Variants in CADPS2 observed in about 807,000 individuals in gnomAD.
The protein encoded by CADPS2 is calcium-dependent secretion activator 2.
In CADPS2, 93 loss-of-function variants were observed where a neutral mutation model predicts 172.5. That is an observed-to-expected ratio of 0.54 (90% confidence interval 0.46 to 0.64). CADPS2 has a LOEUF of 0.64. Among genes scored for constraint, CADPS2 ranks in the 30% least tolerant of loss-of-function variants. The pLI is 0.00. For missense variants in CADPS2, 1,420 were observed against 1,565.9 expected (o/e 0.91, Z 1.57); for synonymous variants, 546 against 555.2 (o/e 0.98, Z 0.23).
chr7:122,682,611 A>C (rs1014792474), intron 2 of CADPS2, among the ~76,000 whole-genome samples: 3 of 152,248 alleles, frequency 2.0e-5, no homozygotes, highest in East Asian at 3.8e-4. Context: ...ATGTGTTCCC[A>C]TGCTGTCTTA....
intron 25 of CADPS2, among the ~76,000 whole-genome samples, chr7:122,375,178 A>G (rs1358163503): frequency 6.6e-6 from 1 of 152,048 alleles, no homozygotes; most frequent in Non-Finnish European, 1.5e-5. Context: ...CATTTTTTTT[A>G]AAGTAACAGA....
At chr7:122,661,333 A>G (rs557811822) in intron 3 of CADPS2, among the ~76,000 whole-genome samples, 31 of 152,158 alleles carry the variant, frequency 2.0e-4, no homozygotes, top group Non-Finnish European at 3.4e-4. Flanking sequence ...GTTTCAAATC[A>G]CAGAAGACTA....
chr7:122,400,803 G>T (rs898950328), intron 20 of CADPS2, among the ~76,000 whole-genome samples: 4 of 152,216 alleles, frequency 2.6e-5, no homozygotes, highest in African/African-American at 4.8e-5. Context: ...GTGAATTTCA[G>T]ATGAACAGCT....
At chr7:122,558,359 A>G (rs1019009495) in intron 7 of CADPS2, among the ~76,000 whole-genome samples, 2 of 152,160 alleles carry the variant, frequency 1.3e-5, no homozygotes, top group Non-Finnish European at 2.9e-5. Context: ...ATTAAACTAT[A>G]GCTCTGTACA....
chr7:122,421,258 C>T (rs1198766366), intron 17 of CADPS2: 1 of 152,130 alleles, frequency 6.6e-6, no homozygotes, highest in Non-Finnish European at 1.5e-5. Context: ...TATTATGTAA[C>T]AATTGTCACA....
intron 2 of CADPS2, among the ~76,000 whole-genome samples, chr7:122,703,502 T>C (rs150554227): frequency 1.4e-4 from 22 of 152,258 alleles, no homozygotes; most frequent in Non-Finnish European, 2.5e-4. Flanking sequence ...TAAACTCTTA[T>C]TGTTAGCCTA....
At chr7:122,453,543 C>A (rs1004032794) in intron 14 of CADPS2, among the ~76,000 whole-genome samples, 1 of 152,066 alleles carries the variant, frequency 6.6e-6, no homozygotes, top group Non-Finnish European at 1.5e-5. Flanking sequence ...AAACTCATAC[C>A]ATAAAGTTAT....
chr7:122,323,873 TTATATATATATATATATATATATATATA>T (rs71159788), intron 29 of CADPS2, among the ~76,000 whole-genome samples: 31,902 of 112,464 alleles, frequency 0.28, 4,226 homozygotes, highest in East Asian at 0.5. Flanking sequence ...TATGTATATT[TTATATATATATATATATATATATATATA>T]TATATATATA....
At chr7:122,474,655 A>G in intron 12 of CADPS2, 138 bp from the exon 13 acceptor site, 1 of 773,240 alleles carries the variant, frequency 1.3e-6, no homozygotes, top group Non-Finnish European at 2.0e-6. Context: ...CCAAGAGTTC[A>G]GCATATTAAC....
chr7:122,701,009 G>A (rs1205501184), intron 2 of CADPS2, among the ~76,000 whole-genome samples: 1 of 152,006 alleles, frequency 6.6e-6, no homozygotes, highest in Non-Finnish European at 1.5e-5. Context: ...AATTAACCAT[G>A]GAGAATCAGA....
intron 2 of CADPS2, among the ~76,000 whole-genome samples, chr7:122,732,541 T>A (rs904600317): frequency 6.7e-6 from 1 of 149,478 alleles, no homozygotes; most frequent in African/African-American, 2.4e-5. Context: ...TTTATTAGGA[T>A]TGTTCATATA....
At chr7:122,636,171 G>C (rs774238089) in intron 3 of CADPS2, among the ~76,000 whole-genome samples, 2 of 152,138 alleles carry the variant, frequency 1.3e-5, no homozygotes, top group Non-Finnish European at 2.9e-5. Context: ...AGACTTGACT[G>C]TGTAAATGTC....
intron 14 of CADPS2, among the ~76,000 whole-genome samples, chr7:122,470,268 C>A (rs550534805): frequency 7.9e-5 from 12 of 151,008 alleles, no homozygotes; most frequent in Admixed American, 7.9e-4. Flanking sequence ...TTAGGATAAA[C>A]AATGGAAATG....
Position 122,362,631 on chromosome 7 carries a change from T to A in CADPS2, c.3388-1618A>T, listed in dbSNP as rs537146881. ...TCTCCTCCTTAGAACTAAAATAATA[T>A]GAACTATTGACACATTATAGATTCC... is the stretch of plus-strand genomic sequence containing the variant. On this transcript the variant is annotated intron_variant, in intron 25 of 29. Transcript: ENST00000449022. 2.8e-4 allele frequency among the ~76,000 whole-genome samples: 43 copies of A among 152,276 alleles called. No individual in the cohort carries two copies. The South Asian group carries it at 8.7e-3, about 31-fold the overall frequency.
intron 2 of CADPS2, among the ~76,000 whole-genome samples, chr7:122,677,588 G>T (rs2082515555): frequency 6.6e-6 from 1 of 152,288 alleles, no homozygotes; most frequent in Admixed American, 6.5e-5. Context: ...GGGACTTCAT[G>T]TATATTAACC....
rs577756539 is a variant in CADPS2, at chr7:122,805,401, G to C, written c.340-68333C>G. ...TCTCAATCTCCTGACCTAGTGATCCGCCTGCCTTGGCCTCCCAAAGTGCTG... is the reference window on the plus strand; with the variant it reads ...TCTCAATCTCCTGACCTAGTGATCCCCCTGCCTTGGCCTCCCAAAGTGCTG... On this transcript the variant is annotated intron_variant, in intron 1 of 29. Transcript: ENST00000449022. 1.8e-4 allele frequency among the ~76,000 whole-genome samples: 28 copies of C among 152,168 alleles called. No individual in the cohort carries two copies. The South Asian group carries it at 5.8e-3, about 32-fold the overall frequency.
intron 1 of CADPS2, among the ~76,000 whole-genome samples, chr7:122,829,402 A>G (rs567394923): frequency 6.6e-6 from 1 of 152,312 alleles, no homozygotes; most frequent in East Asian, 1.9e-4. Flanking sequence ...CGCTGGATCA[A>G]TTTAGTTCAC....
intron 9 of CADPS2, among the ~76,000 whole-genome samples, chr7:122,510,168 A>C (rs2059911549): frequency 6.6e-6 from 1 of 152,188 alleles, no homozygotes; most frequent in African/African-American, 2.4e-5. Context: ...AAGAAAAATA[A>C]GTAACAAACA....
At position 122,369,127 on chromosome 7, in the gene CADPS2, T is replaced by C. The variant is rs10594466; in HGVS notation, c.3388-8114A>G. ...CTTTCTGGCTAGAAGAATTTTTGTT[T>C]CCCCCCCCCCCCCCCTTTTTTTTTT... On this transcript the variant is annotated intron_variant, in intron 25 of 29. Coordinates refer to ENST00000449022, the MANE Select transcript of CADPS2 (RefSeq NM_017954.11). 6.3e-3 allele frequency among the ~76,000 whole-genome samples: 311 copies of C among 49,754 alleles called. 3 individuals are homozygous for C. The highest frequency in any genetic ancestry group is 0.018 in the Middle Eastern group (1 of 56). The allele number at this position is 49,754 out of a possible 152,430, so 32.6% of individuals were successfully genotyped here.
Sources: allele counts gnomAD v4.1 joint callset (sites outside exome capture counted in the v4.1 genomes callset), GRCh38; gene constraint gnomAD v4.1.1; transcripts MANE v1.5; gene names NCBI Gene and HGNC (gene_info 2026-07-23, HGNC 2026-07-21).